RBMS1: variants seen among roughly 807,000 people sequenced by gnomAD.
RBMS1 encodes the protein RNA-binding motif, single-stranded-interacting protein 1.
A neutral mutation model predicts 62.3 loss-of-function variants in RBMS1; 17 were observed. The observed-to-expected ratio is 0.27, with a 90% CI of 0.19 to 0.41. The LOEUF (loss-of-function observed/expected upper bound fraction) is 0.41. RBMS1 is among the 10% of genes least tolerant of loss of function. The pLI is 1.00. For missense variants in RBMS1, 334 were observed against 504.5 expected (o/e 0.66, Z 3.24); for synonymous variants, 172 against 170.0 (o/e 1.01, Z -0.09).
chr2:160,477,190 GC>G (rs1365688142), intron 1 of RBMS1, among the ~76,000 whole-genome samples: 2 of 152,082 alleles, frequency 1.3e-5, no homozygotes, highest in African/African-American at 4.8e-5. Context: ...ACACAGAATT[GC>G]ATGTATCTAG....
chr2:160,432,322 G>A (rs1682931929), intron 1 of RBMS1: 1 of 152,120 alleles, frequency 6.6e-6, no homozygotes, highest in Non-Finnish European at 1.5e-5. Flanking sequence ...GCTTTGTGGA[G>A]GAGAATCTGA....
Position 160,284,820 on chromosome 2 carries a change from T to C in RBMS1, c.855A>G (p.Gln285=), listed in dbSNP as rs1302103296. The change falls in exon 9 of 14, where the codon CAA becomes CAG. Residue 285 remains glutamine, a synonymous_variant. Coordinates refer to ENST00000348849, the MANE Select transcript of RBMS1 (RefSeq NM_016836.4). The stretch of plus-strand genomic sequence containing the variant: ...ATGCAATATAGGGTGTAATAGAAGT[T>C]TGAGTGATCATTCGGTTTGTAGCAA... ...YSIATNRMIT[Q]TSITPYIASP... 3 of 1,610,762 alleles carry C rather than the reference T, an allele frequency of 1.9e-6. No homozygotes were observed. The highest frequency in any genetic ancestry group is 1.3e-5 in the African/African-American group (1 of 74,832).
chr2:160,477,928 T>C (rs1471948582), intron 1 of RBMS1, among the ~76,000 whole-genome samples: 2 of 152,268 alleles, frequency 1.3e-5, no homozygotes, highest in African/African-American at 4.8e-5. Flanking sequence ...TTCGGAGAGA[T>C]TTGAAACAAT....
intron 1 of RBMS1, among the ~76,000 whole-genome samples, chr2:160,450,547 AAT>A (rs1413785594): frequency 1.9e-4 from 11 of 57,566 alleles, no homozygotes; most frequent in East Asian, 1.3e-3. Flanking sequence ...TCTCAAAAAA[AAT>A]AAAAAATAAA....
chr2:160,334,446 T>C lies in RBMS1; in HGVS notation c.252-16219A>G, dbSNP rs1490231212. 2.0e-5 allele frequency among the ~76,000 whole-genome samples: 3 copies of C among 152,228 alleles called. No individual in the cohort carries two copies. In the East Asian group the frequency reaches 5.8e-4, roughly 29 times the overall value. On this transcript the variant is annotated intron_variant, in intron 2 of 13. Coordinates refer to ENST00000348849, the MANE Select transcript of RBMS1 (RefSeq NM_016836.4). The stretch of plus-strand genomic sequence containing the variant: ...CTGGCAAAGGCGGTACCATTAATCC[T>C]GTTCTACAAGGAAGGAAACTAAGGC...
intron 12 of RBMS1, 28 bp from the exon 13 acceptor site, chr2:160,275,742 G>T: frequency 6.2e-7 from 1 of 1,613,186 alleles, no homozygotes; most frequent in East Asian, 2.2e-5. Context: ...GAATGGATGA[G>T]ACATGTTAGT....
intron 6 of RBMS1, among the ~76,000 whole-genome samples, chr2:160,293,469 C>T (rs887427212): frequency 3.3e-5 from 5 of 152,226 alleles, no homozygotes; most frequent in African/African-American, 4.8e-5. Flanking sequence ...TTCATTGAGG[C>T]TCCTCTGTGA....
chr2:160,345,028 A>G (rs1692097839), intron 2 of RBMS1, among the ~76,000 whole-genome samples: 1 of 152,202 alleles, frequency 6.6e-6, no homozygotes, highest in African/African-American at 2.4e-5. Flanking sequence ...AAATAAGCTT[A>G]GAATGTTACT....
intron 9 of RBMS1, 85 bp from the exon 10 acceptor site, chr2:160,281,449 A>G (rs1688101393): frequency 8.9e-7 from 1 of 1,127,590 alleles, no homozygotes; most frequent in East Asian, 2.4e-5. Context: ...AATCATGTTA[A>G]AAATCTACAG....
intron 4 of RBMS1, among the ~76,000 whole-genome samples, chr2:160,305,345 A>T (rs1689443240): frequency 6.6e-6 from 1 of 152,146 alleles, no homozygotes. Context: ...TATCTTTTAT[A>T]CCATATTTTT....
At chr2:160,464,569 A>G (rs1484175426) in intron 1 of RBMS1, among the ~76,000 whole-genome samples, 1 of 152,238 alleles carries the variant, frequency 6.6e-6, no homozygotes, top group Non-Finnish European at 1.5e-5. Flanking sequence ...GAGGTAAAGC[A>G]TATGGTCAAT....
At chr2:160,358,485 T>C (rs1319133019) in intron 2 of RBMS1, among the ~76,000 whole-genome samples, 2 of 152,276 alleles carry the variant, frequency 1.3e-5, no homozygotes, top group Non-Finnish European at 2.9e-5. Context: ...GCAAGCCAAG[T>C]TCCAGAAAAT....
chr2:160,415,382 C>T (rs1280234452), intron 1 of RBMS1, among the ~76,000 whole-genome samples: 1 of 151,774 alleles, frequency 6.6e-6, no homozygotes, highest in Non-Finnish European at 1.5e-5. Flanking sequence ...GGGTAAAAGA[C>T]AAGAGCTGAG....
chr2:160,492,979 C>A (rs931279729), intron 1 of RBMS1: 2 of 299,850 alleles, frequency 6.7e-6, no homozygotes, highest in African/African-American at 4.4e-5. Flanking sequence ...AGCCAGGGCT[C>A]GGCGAGGGGC....
At chr2:160,464,964 G>A (rs539434911) in intron 1 of RBMS1, among the ~76,000 whole-genome samples, 9 of 152,164 alleles carry the variant, frequency 5.9e-5, no homozygotes, top group Non-Finnish European at 8.8e-5. Context: ...AGAATAGTAT[G>A]CTACTGTAGT....
At chr2:160,483,079 TAAA>T (rs367600184) in intron 1 of RBMS1, among the ~76,000 whole-genome samples, 1 of 141,022 alleles carries the variant, frequency 7.1e-6, no homozygotes. Flanking sequence ...TAATCTCTCT[TAAA>T]AAAAAAAAAA....
At chr2:160,299,108 T>G (rs1282943624) in intron 6 of RBMS1, among the ~76,000 whole-genome samples, 2 of 150,028 alleles carry the variant, frequency 1.3e-5, no homozygotes, top group Non-Finnish European at 3.0e-5. Flanking sequence ...GCTGTCTAGC[T>G]AACTAATATT....
intron 4 of RBMS1, among the ~76,000 whole-genome samples, chr2:160,311,212 CTA>C (rs1238262372): frequency 1.2e-4 from 6 of 48,132 alleles, no homozygotes; most frequent in East Asian, 4.0e-4. Flanking sequence ...AAAAAAAAAT[CTA>C]TCTATCTATC....
At chr2:160,383,368 TA>T (rs1559479609) in intron 1 of RBMS1, among the ~76,000 whole-genome samples, 1 of 149,124 alleles carries the variant, frequency 6.7e-6, no homozygotes, top group Non-Finnish European at 1.5e-5. Context: ...TCAAGATCCT[TA>T]ATTAATTCTA....
Sources: allele counts gnomAD v4.1 joint callset (sites outside exome capture counted in the v4.1 genomes callset), GRCh38; gene constraint gnomAD v4.1.1; transcripts MANE v1.5; gene names NCBI Gene and HGNC (gene_info 2026-07-23, HGNC 2026-07-21).